Variants in CSMD1 observed in about 807,000 individuals in gnomAD.
CSMD1 encodes the protein CUB and Sushi multiple domains 1, also known as CUB and sushi domain-containing protein 1.
A neutral mutation model predicts 417.5 loss-of-function variants in CSMD1; 213 were observed. The ratio of observed to expected loss-of-function variants is 0.51; its 90% CI spans 0.46 to 0.57. The LOEUF is 0.57. Among genes scored for constraint, CSMD1 ranks in the 20% least tolerant of loss-of-function variants. CSMD1 has a pLI of 0.00. For synonymous variants in CSMD1, 2,862 were observed against 1,736.8 expected, an observed-to-expected ratio of 1.65 and a Z score of -16.11; for missense variants, 6,923 against 4,529.7, an observed-to-expected ratio of 1.53 and a Z score of -15.17.
intron 49 of CSMD1, among the ~76,000 whole-genome samples, chr8:3,080,143 C>A (rs768430401): frequency 1.3e-5 from 2 of 152,164 alleles, no homozygotes; most frequent in Non-Finnish European, 2.9e-5. Flanking sequence ...GAGAACCAGA[C>A]CTTGAAAGTA....
At chr8:4,648,716 G>T (rs1236346325) in intron 1 of CSMD1, among the ~76,000 whole-genome samples, 1 of 152,088 alleles carries the variant, frequency 6.6e-6, no homozygotes, top group East Asian at 1.9e-4. Context: ...TTTCCTCAGT[G>T]TCTTTGTGAA....
At chr8:4,541,243 T>A (rs187742653) in intron 2 of CSMD1, among the ~76,000 whole-genome samples, 78 of 152,292 alleles carry the variant, frequency 5.1e-4, no homozygotes, top group Non-Finnish European at 9.0e-4. Flanking sequence ...CTGTGTGACT[T>A]AGAGTGAGCC....
chr8:3,984,683 T>C (rs1252667797), intron 5 of CSMD1, among the ~76,000 whole-genome samples: 10 of 141,162 alleles, frequency 7.1e-5, no homozygotes, highest in African/African-American at 2.6e-4. Flanking sequence ...GATTTATGGG[T>C]TCAGGATTCA....
chr8:3,163,843 C>T (rs1820048472), intron 37 of CSMD1, among the ~76,000 whole-genome samples: 1 of 152,162 alleles, frequency 6.6e-6, no homozygotes, highest in Admixed American at 6.5e-5. Context: ...ACCAGACCCT[C>T]ATAGCCAGGC....
intron 27 of CSMD1, among the ~76,000 whole-genome samples, chr8:3,225,927 AAG>A (rs1798474613): frequency 6.6e-6 from 1 of 152,252 alleles, no homozygotes; most frequent in East Asian, 1.9e-4. Flanking sequence ...GGAATAGACA[AAG>A]AGATAAAATC....
Position 3,240,901 on chromosome 8 carries a change from TGTAGCAGGCAA to T in CSMD1, c.4154-10681_4154-10671del, listed in dbSNP as rs1323690561. On this transcript the variant is annotated intron_variant, in intron 26 of 69. Coordinates refer to ENST00000635120, the MANE Select transcript of CSMD1 (RefSeq NM_033225.6). Reference sequence around the variant, plus strand: ...GTTTATAGGCTTTAAGAGGTCATGCTGTAGCAGGCAAGTGATAACAGGCTTTAATCCTTTTA... The same window carrying T: ...GTTTATAGGCTTTAAGAGGTCATGCTGTGATAACAGGCTTTAATCCTTTTA... 2.0e-4 allele frequency among the ~76,000 whole-genome samples: 31 copies of T among 152,070 alleles called. 1 individual carries two copies. The highest frequency in any genetic ancestry group is 2.0e-3 in the Admixed American group (31 of 15,254).
chr8:4,704,310 T>C (rs549555918), intron 1 of CSMD1, among the ~76,000 whole-genome samples: 4 of 152,378 alleles, frequency 2.6e-5, no homozygotes, highest in Admixed American at 6.5e-5. Context: ...TTATTCAGCA[T>C]TGAGTGTCTT....
intron 50 of CSMD1, among the ~76,000 whole-genome samples, chr8:3,049,124 T>C (rs573129766): frequency 2.6e-4 from 39 of 152,244 alleles, no homozygotes; most frequent in Admixed American, 5.9e-4. Context: ...CTCTCACTCA[T>C]TGCTGGTGGG....
At chr8:3,711,002 C>T (rs774759932) in intron 6 of CSMD1, among the ~76,000 whole-genome samples, 6 of 152,170 alleles carry the variant, frequency 3.9e-5, no homozygotes, top group Non-Finnish European at 8.8e-5. Context: ...TGACCTTGGA[C>T]TTCCCAGTAT....
At chr8:3,010,543 G>C (rs562805123) in intron 52 of CSMD1, among the ~76,000 whole-genome samples, 1 of 152,082 alleles carries the variant, frequency 6.6e-6, no homozygotes, top group East Asian at 1.9e-4. Context: ...GCCGCACTCC[G>C]CATCTATGCT....
chr8:3,055,634 CT>C (rs1025697625), intron 49 of CSMD1, among the ~76,000 whole-genome samples: 2 of 152,164 alleles, frequency 1.3e-5, no homozygotes, highest in African/African-American at 2.4e-5. Flanking sequence ...ATGTAAGAAA[CT>C]TTCACAGTTT....
intron 3 of CSMD1, among the ~76,000 whole-genome samples, chr8:4,251,605 G>C (rs777547136): frequency 6.6e-6 from 1 of 152,166 alleles, no homozygotes; most frequent in Non-Finnish European, 1.5e-5. Flanking sequence ...AATGAGACAG[G>C]TTTCATGTCT....
chr8:3,004,926 G>A (rs1004952529), intron 52 of CSMD1, among the ~76,000 whole-genome samples: 1 of 152,162 alleles, frequency 6.6e-6, no homozygotes. Context: ...ATCACCTGAG[G>A]TCAGGAGTTC....
chr8:4,875,800 T>C (rs1585248289), intron 1 of CSMD1, among the ~76,000 whole-genome samples: 1 of 151,902 alleles, frequency 6.6e-6, no homozygotes, highest in Non-Finnish European at 1.5e-5. Context: ...ATGGTTTGTA[T>C]ATAAAAATGA....
chr8:3,448,382 A>AG (rs1322312149), intron 12 of CSMD1, among the ~76,000 whole-genome samples: 6 of 33,642 alleles, frequency 1.8e-4, no homozygotes, highest in African/African-American at 3.8e-4. Context: ...AGGGAGGGGG[A>AG]GGAGGGAGGA....
chr8:3,889,560 TG>T, intron 5 of CSMD1, among the ~76,000 whole-genome samples: 1 of 35,564 alleles, frequency 2.8e-5, no homozygotes, highest in East Asian at 1.6e-3. Flanking sequence ...TATGTGTGTC[TG>T]TGTGTGTGTA....
At chr8:4,258,728 A>G (rs1409755792) in intron 3 of CSMD1, among the ~76,000 whole-genome samples, 1 of 152,054 alleles carries the variant, frequency 6.6e-6, no homozygotes, top group East Asian at 1.9e-4. Context: ...GGTGGAACAC[A>G]GCAATGTATG....
At chr8:4,407,411 G>A (rs1429788733) in intron 3 of CSMD1, among the ~76,000 whole-genome samples, 1 of 152,170 alleles carries the variant, frequency 6.6e-6, no homozygotes, top group African/African-American at 2.4e-5. Context: ...TGTTTAGGTT[G>A]CTGCAAATTC....
intron 5 of CSMD1, among the ~76,000 whole-genome samples, chr8:3,780,605 C>T (rs550180295): frequency 1.1e-4 from 17 of 152,304 alleles, no homozygotes; most frequent in African/African-American, 3.8e-4. Context: ...TAATTCACTA[C>T]AACTGTCATC....
Sources: gnomAD v4.1 joint callset for allele counts (sites outside exome capture counted in the v4.1 genomes callset) on GRCh38, gnomAD v4.1.1 for gene constraint, MANE v1.5 for transcripts, NCBI Gene and HGNC (gene_info 2026-07-23, HGNC 2026-07-21) for gene names.